Variants in ZNF845 observed in about 807,000 individuals in gnomAD.
ZNF845 encodes zinc finger protein 845.
ZNF845 carries 59 observed loss-of-function variants against 76.1 expected under a neutral mutation model. The observed-to-expected ratio is 0.78, with a 90% CI of 0.63 to 0.96. ZNF845 has a LOEUF of 0.96. ZNF845 is among the 40% of genes least tolerant of loss of function. The pLI is 0.00. For missense variants in ZNF845, 1,045 were observed against 1,172.8 expected, an observed-to-expected ratio of 0.89 and a Z score of 1.59; for synonymous variants, 361 against 386.9, an observed-to-expected ratio of 0.93 and a Z score of 0.78.
Position 53,352,436 on chromosome 19 carries a change from C to G in ZNF845, c.1761C>G (p.Val587=). Residue 587 remains valine, a synonymous_variant, in exon 4 of 4, where the codon GTC becomes GTG. Coordinates refer to ENST00000458035, the MANE Select transcript of ZNF845 (RefSeq NM_138374.3). ...KLYKCNDCHQ[V]FSNATTIANH... is the part of the protein sequence containing the mutation. ...ACAAATGTAATGATTGTCACCAAGT[C>G]TTTAGTAATGCTACAACCATTGCAA... is the stretch of plus-strand genomic sequence containing the variant. 1 of 1,613,854 alleles carries G rather than the reference C, an allele frequency of 6.2e-7. No homozygotes were observed. Among genetic ancestry groups the G allele is most frequent in the Non-Finnish European group, 8.5e-7 (1 of 1,179,818 alleles).
chr19:53,344,635 T>TTTATG (rs2085281685), intron 2 of ZNF845, among the ~76,000 whole-genome samples: 6 of 145,246 alleles, frequency 4.1e-5, no homozygotes, highest in African/African-American at 1.3e-4. Context: ...TTTATTTTAT[T>TTTATG]TTATTTTATT....
At chr19:53,344,093 C>T (rs1478184881) in intron 2 of ZNF845, among the ~76,000 whole-genome samples, 1 of 152,088 alleles carries the variant, frequency 6.6e-6, no homozygotes, top group Non-Finnish European at 1.5e-5. Context: ...TCTGCGTCAG[C>T]CTCCTGAGTA....
chr19:53,346,168 C>A (rs1438635222), intron 3 of ZNF845, among the ~76,000 whole-genome samples: 4 of 152,128 alleles, frequency 2.6e-5, no homozygotes, highest in African/African-American at 9.7e-5. Flanking sequence ...ATGGAGAAGA[C>A]CTTACCGTTG....
intron 1 of ZNF845, among the ~76,000 whole-genome samples, chr19:53,335,235 G>T (rs2085204899): frequency 6.6e-6 from 1 of 152,042 alleles, no homozygotes; most frequent in African/African-American, 2.4e-5. Flanking sequence ...ATCACTTTCT[G>T]TTATTATGTA....
At chr19:53,336,982 G>A (rs890425412) in intron 1 of ZNF845, 1 of 384,110 alleles carries the variant, frequency 2.6e-6, no homozygotes, top group Non-Finnish European at 5.1e-6. Context: ...GAGCTATTAA[G>A]TGCATGTTTC....
At chr19:53,340,159 C>G (rs144689004) in intron 1 of ZNF845, among the ~76,000 whole-genome samples, 1 of 152,354 alleles carries the variant, frequency 6.6e-6, no homozygotes, top group African/African-American at 2.4e-5. Flanking sequence ...TTAAGCGATT[C>G]TCATGCCTCA....
At chr19:53,337,171 A>G (rs1296952025) in intron 1 of ZNF845, 1 of 456,252 alleles carries the variant, frequency 2.2e-6, no homozygotes, top group East Asian at 7.0e-5. Flanking sequence ...AAACACTAAA[A>G]CCCTTCCTGT....
Position 53,345,706 on chromosome 19 carries a change from A to C in ZNF845, c.142+74A>C, listed in dbSNP as rs962280702. The C allele has an allele frequency of 4.4e-6, 7 of 1,599,242 alleles. No homozygotes were observed. The African/African-American group carries it at 5.4e-5, about 12-fold the overall frequency. ...TGTATTTTCTCTTTTTTTTAGATAC[A>C]ATGTCTTGCTCTGTCACCCAGGGTG... is the stretch of plus-strand genomic sequence containing the variant. On this transcript the variant is annotated intron_variant, in intron 3 of 3. Coordinates refer to ENST00000458035, the MANE Select transcript of ZNF845 (RefSeq NM_138374.3).
chr19:53,350,687 C>T (rs536853392), intron 3 of ZNF845, 131 bp from the exon 4 acceptor site: 32 of 1,221,130 alleles, frequency 2.6e-5, no homozygotes, highest in African/African-American at 1.4e-4. Context: ...TACCCTTTTG[C>T]GTTCCTAAAC....
rs779830286 is a variant in ZNF845 at position 53,352,833 on chromosome 19, A to G, written c.2158A>G (p.Lys720Glu). Residue 720 changes from lysine (K) to glutamate (E), a missense_variant, in exon 4 of 4, where the codon AAG (lysine) becomes GAG (glutamate). Physicochemically the swap from Lys to Glu is moderately conservative, Grantham distance 56 (BLOSUM62 1). Transcript: ENST00000458035. ...AATTCATACTGGAGAGAAACCTTAC[A>G]AGTGTAATGAGTGTGGCAAGGCCTT... ...KAIHTGEKPY[K>E]CNECGKAFSQ... 1.2e-6 allele frequency: 2 copies of G among 1,614,050 alleles called. No homozygotes were observed. The highest frequency in any genetic ancestry group is 1.7e-6 in the Non-Finnish European group (2 of 1,179,982).
At chr19:53,334,575 T>TA (rs2085199449) in intron 1 of ZNF845, among the ~76,000 whole-genome samples, 1 of 150,458 alleles carries the variant, frequency 6.6e-6, no homozygotes, top group African/African-American at 2.4e-5. Context: ...GAATGAGAGA[T>TA]ATGTACAGAA....
At chr19:53,337,546 A>G (rs2147029802) in intron 1 of ZNF845, among the ~76,000 whole-genome samples, 1 of 151,820 alleles carries the variant, frequency 6.6e-6, no homozygotes, top group East Asian at 1.9e-4. Flanking sequence ...ACAGCCAGCT[A>G]ATTTTTGTAT....
rs370657627 is a variant in ZNF845, at chr19:53,352,109, G to C, written c.1434G>C (p.Gln478His). ...ATGATTGTGGCAAGACCTTCAGTCA[G>C]ACATCATCCCTTGTATACCATCGTA... is the stretch of plus-strand genomic sequence containing the variant. ...KCNDCGKTFSQTSSLVYHRRL... is the reference protein window; with the variant it reads ...KCNDCGKTFSHTSSLVYHRRL... Residue 478 changes from glutamine to histidine, a missense_variant, in exon 4 of 4, where the codon CAG becomes CAC. Transcript: ENST00000458035. The C allele has an allele frequency of 3.6e-5, 58 of 1,613,422 alleles. 1 individual carries two copies. In the Middle Eastern group the frequency reaches 4.9e-4, roughly 14 times the overall value.
Position 53,353,877 on chromosome 19 carries a change from C to A in ZNF845, c.*289C>A. Reference sequence around the variant, plus strand: ...TATCACAAAGTCTTCAGTAACACTACAACCGTTTCAAATCATTGGAGAATC... The same window carrying A: ...TATCACAAAGTCTTCAGTAACACTAAAACCGTTTCAAATCATTGGAGAATC... On this transcript the variant is annotated 3_prime_UTR_variant, in exon 4 of 4. Coordinates refer to ENST00000458035, the MANE Select transcript of ZNF845 (RefSeq NM_138374.3). 1 of 1,148,876 alleles carries A rather than the reference C, an allele frequency of 8.7e-7. No homozygotes were observed. Among genetic ancestry groups the A allele is most frequent in the Non-Finnish European group, 1.2e-6 (1 of 816,322 alleles). The allele number at this position is 1,148,876 out of a possible 1,614,324, so 71.2% of individuals were successfully genotyped here.
intron 2 of ZNF845, among the ~76,000 whole-genome samples, chr19:53,342,156 C>G (rs35689342): frequency 0.13 from 20,167 of 151,304 alleles, 1,426 homozygotes; most frequent in Non-Finnish European, 0.15. Flanking sequence ...GCTTTGTCGC[C>G]CAGGCTGAAG....
In ZNF845 at chr19:53,353,311, G is replaced by T; in HGVS notation, c.2636G>T (p.Arg879Ile). ...AAAGCAAACCTTTCACGTCATCATAGACTTCATACTGGAGAGAAACCTTAC... is the reference window on the plus strand; with the variant it reads ...AAAGCAAACCTTTCACGTCATCATATACTTCATACTGGAGAGAAACCTTAC... ...NRKANLSRHH[R>I]LHTGEKPYKC... The change falls in exon 4 of 4, where the codon AGA becomes ATA. Residue 879 changes from arginine to isoleucine, a missense_variant. Transcript: ENST00000458035. The T allele has an allele frequency of 6.2e-7, 1 of 1,613,668 alleles. No homozygotes were observed.
At position 53,351,825 on chromosome 19, in the gene ZNF845, A is replaced by C. The variant is rs771978964; in HGVS notation, c.1150A>C (p.Lys384Gln). 14 of 1,613,736 alleles carry C rather than the reference A, an allele frequency of 8.7e-6. No individual in the cohort carries two copies. Among genetic ancestry groups the C allele is most frequent in the Non-Finnish European group, 1.1e-5 (13 of 1,179,968 alleles). The change falls in exon 4 of 4, where the codon AAG becomes CAG. Residue 384 changes from lysine to glutamine, a missense_variant. By Grantham distance (53) the Lys-to-Gln change is moderately conservative (BLOSUM62 1). Coordinates refer to ENST00000458035, the MANE Select transcript of ZNF845 (RefSeq NM_138374.3). ...RKIHTGEKPY[K>Q]CNECSRTFSR... is the part of the protein sequence containing the mutation. ...AATTCATACTGGAGAGAAACCTTAC[A>C]AGTGTAATGAATGCAGCAGGACCTT... is the stretch of plus-strand genomic sequence containing the variant.
At position 53,351,935 on chromosome 19, in the gene ZNF845, C is replaced by T; in HGVS notation, c.1260C>T (p.Phe420=). ...AGTGTAATGATTGTGGCAAGACCTT[C>T]AGTCAGATGTCATCCCTTGTATACC... is the stretch of plus-strand genomic sequence containing the variant. ...PYKCNDCGKT[F]SQMSSLVYHR... Residue 420 remains phenylalanine, a synonymous_variant, in exon 4 of 4, where the codon TTC becomes TTT. Transcript: ENST00000458035. The T allele has an allele frequency of 1.9e-6, 3 of 1,613,396 alleles. No homozygotes were observed. The highest frequency in any genetic ancestry group is 2.5e-6 in the Non-Finnish European group (3 of 1,179,820).
chr19:53,338,379 C>T (rs996357493), intron 1 of ZNF845, among the ~76,000 whole-genome samples: 1 of 152,160 alleles, frequency 6.6e-6, no homozygotes, highest in Non-Finnish European at 1.5e-5. Context: ...GTGCTCTGTA[C>T]ATCACCAGGA....
Sources: gnomAD v4.1 joint callset for allele counts (sites outside exome capture counted in the v4.1 genomes callset) on GRCh38, gnomAD v4.1.1 for gene constraint, MANE v1.5 for transcripts, NCBI Gene and HGNC (gene_info 2026-07-23, HGNC 2026-07-21) for gene names.